PLB1: variants seen among roughly 807,000 people sequenced by gnomAD.
The protein encoded by PLB1 is phospholipase B1, membrane-associated.
A neutral mutation model predicts 227.4 loss-of-function variants in PLB1; 242 were observed. That is an observed-to-expected ratio of 1.06 (90% CI 0.96 to 1.18). The LOEUF (loss-of-function observed/expected upper bound fraction) is 1.18, where lower values mean the gene tolerates loss of function less well. PLB1 is among the 50% of genes most tolerant of loss of function. PLB1 has a pLI of 0.00. For missense variants in PLB1, 1,858 were observed against 1,816.3 expected, an observed-to-expected ratio of 1.02 and a Z score of -0.42; for synonymous variants, 757 against 682.2, an observed-to-expected ratio of 1.11 and a Z score of -1.71.
At chr2:28,533,680 T>C (rs1218496247) in intron 9 of PLB1, among the ~76,000 whole-genome samples, 1 of 152,382 alleles carries the variant, frequency 6.6e-6, no homozygotes, top group East Asian at 1.9e-4. Flanking sequence ...GTATTTGTGA[T>C]CAGTTTGTTC....
chr2:28,526,574 A>G (rs1670291892), intron 6 of PLB1, among the ~76,000 whole-genome samples: 1 of 152,198 alleles, frequency 6.6e-6, no homozygotes. Context: ...TAATTCTGTT[A>G]AGTCACCCTG....
In PLB1 at chr2:28,628,647, G is replaced by A. The variant is rs368490118; in HGVS notation, c.3726+19G>A. The A allele has an allele frequency of 1.7e-5, 27 of 1,613,434 alleles. No homozygotes were observed. The highest frequency in any genetic ancestry group is 2.2e-5 in the Non-Finnish European group (26 of 1,179,408). ...TGAGGAGGTAGGAGAGGGGTTACGT[G>A]TTCCTGGGTCCCGCCAGCCACCTCC... On this transcript the variant is annotated intron_variant, in intron 52 of 57. Coordinates refer to ENST00000327757, the MANE Select transcript of PLB1 (RefSeq NM_153021.5).
intron 17 of PLB1, 49 bp downstream of exon 17, chr2:28,553,040 T>TCATC: frequency 6.5e-7 from 1 of 1,528,670 alleles, no homozygotes; most frequent in Non-Finnish European, 9.1e-7. Flanking sequence ...AGGCCTGAAA[T>TCATC]CATCCAAGTA....
chr2:28,602,326 C>G (rs1310437133), intron 38 of PLB1, among the ~76,000 whole-genome samples: 2 of 152,188 alleles, frequency 1.3e-5, no homozygotes, highest in African/African-American at 4.8e-5. Context: ...TAGAGCAAGC[C>G]CCTGTCTGGT....
rs772396750 is a variant in PLB1, at chr2:28,591,756, C to T, written c.2184C>T (p.Thr728=). The change falls in exon 31 of 58, where the codon ACC becomes ACT. Residue 728 remains threonine (T), a synonymous_variant. Transcript: ENST00000327757. ...GAGCCCCTTCTGCCTTGCACCCTACCTCAGGTAAGCCCCCTATGGCACAGC... is the reference window on the plus strand; with the variant it reads ...GAGCCCCTTCTGCCTTGCACCCTACTTCAGGTAAGCCCCCTATGGCACAGC... ...RDRAPSALHP[T]SVHALRPADI... The T allele has an allele frequency of 1.2e-6, 2 of 1,613,878 alleles. No homozygotes were observed. Among genetic ancestry groups the T allele is most frequent in the Non-Finnish European group, 1.7e-6 (2 of 1,179,946 alleles).
Position 28,552,986 on chromosome 2 carries a change from C to G in PLB1, c.1142C>G (p.Thr381Ser). The change falls in exon 17 of 58, where the codon ACC becomes AGC. Residue 381 changes from threonine (T) to serine (S), a missense_variant. Coordinates refer to ENST00000327757, the MANE Select transcript of PLB1 (RefSeq NM_153021.5). The stretch of plus-strand genomic sequence containing the variant: ...AAAGACCCCTCCGATACGGTTCCCA[C>G]CTCAGGTACACAGCTTGCACCCAGT... ...PDKDPSDTVP[T>S]SVHRLKPADI... The G allele has an allele frequency of 6.2e-7, 1 of 1,613,446 alleles. No homozygotes were observed. The highest frequency in any genetic ancestry group is 1.1e-5 in the South Asian group (1 of 91,064).
chr2:28,527,260 C>A (rs541567343), intron 6 of PLB1, among the ~76,000 whole-genome samples: 2 of 152,302 alleles, frequency 1.3e-5, no homozygotes, highest in Non-Finnish European at 2.9e-5. Context: ...GGAGTCCCAG[C>A]TGGCCAGAGG....
chr2:28,636,052 T>A (rs1395166935), intron 56 of PLB1, among the ~76,000 whole-genome samples: 5 of 116,660 alleles, frequency 4.3e-5, no homozygotes, highest in African/African-American at 8.8e-5. Context: ...TATGTATGTG[T>A]ATGTGTGTAT....
At chr2:28,520,021 C>T (rs1012852527) in intron 4 of PLB1, among the ~76,000 whole-genome samples, 2 of 152,174 alleles carry the variant, frequency 1.3e-5, no homozygotes, top group African/African-American at 2.4e-5. Flanking sequence ...CTCCGTTTCC[C>T]GGGTTCAAGT....
intron 1 of PLB1, among the ~76,000 whole-genome samples, chr2:28,513,290 T>A (rs895885973): frequency 6.6e-6 from 1 of 152,262 alleles, no homozygotes; most frequent in African/African-American, 2.4e-5. Context: ...AGATCACTTT[T>A]ATCTAATCAG....
intron 14 of PLB1, among the ~76,000 whole-genome samples, chr2:28,546,671 G>A (rs539647350): frequency 1.3e-5 from 2 of 152,266 alleles, no homozygotes; most frequent in African/African-American, 4.8e-5. Context: ...AGAAGAAAGG[G>A]TCAGAGCCAG....
chr2:28,496,274 A>G (rs2148148021), intron 1 of PLB1, 105 bp downstream of exon 1: 1 of 1,154,164 alleles, frequency 8.7e-7, no homozygotes, highest in East Asian at 2.4e-5. Flanking sequence ...TTTTGAAGAG[A>G]TAAAGCACAA....
At chr2:28,637,014 C>T (rs1027111540) in intron 56 of PLB1, among the ~76,000 whole-genome samples, 4 of 152,140 alleles carry the variant, frequency 2.6e-5, no homozygotes, top group African/African-American at 9.7e-5. Context: ...TTACTTGAGG[C>T]CGGGTACAGT....
intron 56 of PLB1, among the ~76,000 whole-genome samples, chr2:28,638,609 C>T (rs943039480): frequency 1.3e-5 from 2 of 151,582 alleles, no homozygotes; most frequent in Non-Finnish European, 2.9e-5. Flanking sequence ...CGTGGGCTGG[C>T]GGATGGATGA....
At chr2:28,558,046 T>C (rs1675411561) in intron 17 of PLB1, among the ~76,000 whole-genome samples, 1 of 152,138 alleles carries the variant, frequency 6.6e-6, no homozygotes, top group Non-Finnish European at 1.5e-5. Context: ...AATCAACCAA[T>C]CTATCAGATG....
chr2:28,518,337 G>A (rs1357426410), intron 2 of PLB1, 129 bp from the exon 3 acceptor site: 7 of 719,064 alleles, frequency 9.7e-6, no homozygotes, highest in Non-Finnish European at 1.7e-5. Flanking sequence ...ATGACTATGG[G>A]CAATTGTTGT....
chr2:28,530,641 G>A (rs1032927010), intron 8 of PLB1, among the ~76,000 whole-genome samples: 13 of 152,234 alleles, frequency 8.5e-5, no homozygotes, highest in Admixed American at 3.3e-4. Flanking sequence ...AGCATCCTTA[G>A]ATCTTTTGTG....
chr2:28,540,303 T>C (rs1672301377), intron 11 of PLB1, 63 bp from the exon 12 acceptor site: 1 of 1,389,922 alleles, frequency 7.2e-7, no homozygotes, highest in African/African-American at 1.4e-5. Flanking sequence ...GCGGGCTGGA[T>C]GCATCCCCTT....
chr2:28,508,758 A>G (rs925371775), intron 1 of PLB1, among the ~76,000 whole-genome samples: 1 of 152,230 alleles, frequency 6.6e-6, no homozygotes, highest in African/African-American at 2.4e-5. Flanking sequence ...TGTGGTCTGC[A>G]TGCACTTATG....
Sources: allele counts gnomAD v4.1 joint callset (sites outside exome capture counted in the v4.1 genomes callset), GRCh38; gene constraint gnomAD v4.1.1; transcripts MANE v1.5; gene names NCBI Gene and HGNC (gene_info 2026-07-23, HGNC 2026-07-21).